Variants in RASGRF1 observed in about 807,000 individuals in gnomAD.
RASGRF1 encodes ras-specific guanine nucleotide-releasing factor 1.
A neutral mutation model predicts 138.7 loss-of-function variants in RASGRF1; 40 were observed. That is an observed-to-expected ratio of 0.29 (90% CI 0.22 to 0.38). The LOEUF (loss-of-function observed/expected upper bound fraction) is 0.38, where lower values mean the gene tolerates loss of function less well. Among genes scored for constraint, RASGRF1 ranks in the 10% least tolerant of loss-of-function variants. The pLI is 1.00. For missense variants in RASGRF1, 1,108 were observed against 1,650.4 expected (o/e 0.67, Z 5.69); for synonymous variants, 614 against 663.2 (o/e 0.93, Z 1.14).
intron 1 of RASGRF1, among the ~76,000 whole-genome samples, chr15:79,066,559 TCTC>T (rs1396940798): frequency 6.6e-6 from 1 of 152,182 alleles, no homozygotes; most frequent in African/African-American, 2.4e-5. Flanking sequence ...GCAGGAGTGT[TCTC>T]CTTCCCTACT....
intron 24 of RASGRF1, chr15:78,978,883 T>C (rs541231452): frequency 2.4e-6 from 3 of 1,225,066 alleles, no homozygotes; most frequent in East Asian, 5.7e-5. Context: ...AGGCCACCTC[T>C]GCCCTGTGCT....
In RASGRF1 at chr15:79,025,491, G is replaced by C; in HGVS notation, c.1382-17C>G. On this transcript the variant is annotated splice_polypyrimidine_tract_variant and intron_variant, in intron 9 of 26. Transcript: ENST00000558480. Reference sequence around the variant, plus strand: ...TGAGGGAACCTGTGGGTGGAGGAGAGAGACCCTGAGCCCATCTCCTGGGGT... The same window carrying C: ...TGAGGGAACCTGTGGGTGGAGGAGACAGACCCTGAGCCCATCTCCTGGGGT... 4.4e-6 allele frequency: 7 copies of C among 1,608,876 alleles called. No individual in the cohort carries two copies. The highest frequency in any genetic ancestry group is 5.9e-6 in the Non-Finnish European group (7 of 1,177,240).
At chr15:79,063,459 C>T (rs2057635829) in intron 2 of RASGRF1, among the ~76,000 whole-genome samples, 1 of 152,166 alleles carries the variant, frequency 6.6e-6, no homozygotes, top group Admixed American at 6.5e-5. Flanking sequence ...TTTAACTTGT[C>T]CATGTATCAT....
intron 26 of RASGRF1, among the ~76,000 whole-genome samples, chr15:78,963,616 T>C (rs2055588701): frequency 6.6e-6 from 1 of 152,158 alleles, no homozygotes; most frequent in Admixed American, 6.5e-5. Context: ...TTTCTTATTA[T>C]ATGTTTGGGA....
intron 1 of RASGRF1, among the ~76,000 whole-genome samples, chr15:79,072,500 C>T (rs922377016): frequency 6.6e-6 from 1 of 151,914 alleles, no homozygotes; most frequent in Non-Finnish European, 1.5e-5. Context: ...TGGTCTTGAT[C>T]TCCTGACCTC....
At chr15:79,056,179 G>A (rs559286278) in intron 3 of RASGRF1, among the ~76,000 whole-genome samples, 13 of 152,324 alleles carry the variant, frequency 8.5e-5, no homozygotes, top group African/African-American at 2.2e-4. Flanking sequence ...GCCAGGAGGC[G>A]GATAGTGCAC....
rs1348778737 is a variant in RASGRF1, at chr15:78,978,931, G to T, written c.3494+1689C>A. On this transcript the variant is annotated intron_variant, in intron 24 of 26. Coordinates refer to ENST00000558480, the MANE Select transcript of RASGRF1 (RefSeq NM_001145648.3). The stretch of plus-strand genomic sequence containing the variant: ...GGAATGTGGGAGAGACACTTACACG[G>T]GCCCACAGGCCACCTGAAAGAGGGA... 4.7e-6 allele frequency: 6 copies of T among 1,277,924 alleles called. No homozygotes were observed. In the East Asian group the frequency reaches 2.8e-4, roughly 59 times the overall value. The allele number at this position is 1,277,924 out of a possible 1,614,324, so 79.2% of individuals were successfully genotyped here.
intron 13 of RASGRF1, among the ~76,000 whole-genome samples, chr15:79,010,109 G>T: frequency 6.7e-6 from 1 of 149,866 alleles, no homozygotes; most frequent in Non-Finnish European, 1.5e-5. Flanking sequence ...CGCAATGTCG[G>T]CTCATGGCAA....
Position 79,050,832 on chromosome 15 carries a change from A to T in RASGRF1, c.532-1244T>A, listed in dbSNP as rs981788182. 1.3e-5 allele frequency among the ~76,000 whole-genome samples: 2 copies of T among 152,186 alleles called. No individual in the cohort carries two copies. Among genetic ancestry groups the T allele is most frequent in the Non-Finnish European group, 2.9e-5 (2 of 68,030 alleles). ...GAGTCCTTGTTTTGTGTCCTGTAGC[A>T]GGGTTCCCACAGCACCATGGACTTT... On this transcript the variant is annotated intron_variant, in intron 3 of 26. Transcript: ENST00000558480. This position sits in a 1 kb window ranked among gnomAD's most constrained non-coding sequence, Gnocchi z 4.1.
At chr15:78,988,839 G>GTTTTTTTTTTTTT (rs555940270) in intron 22 of RASGRF1, among the ~76,000 whole-genome samples, 4 of 127,080 alleles carry the variant, frequency 3.1e-5, no homozygotes, top group Non-Finnish European at 6.4e-5. Flanking sequence ...CTGGGAGGGA[G>GTTTTTTTTTTTTT]TTTTTTTTTT....
intron 26 of RASGRF1, among the ~76,000 whole-genome samples, chr15:78,970,621 C>CAAAAAAAAAAAAAAAAAAAAAAA (rs55689628): frequency 1.7e-4 from 10 of 57,880 alleles, no homozygotes; most frequent in Non-Finnish European, 2.4e-4. Context: ...GACTCTGTCT[C>CAAAAAAAAAAAAAAAAAAAAAAA]AAAAAAAAAA....
chr15:79,043,457 T>C (rs971981259), intron 5 of RASGRF1, among the ~76,000 whole-genome samples: 2 of 152,180 alleles, frequency 1.3e-5, no homozygotes, highest in Non-Finnish European at 2.9e-5. Context: ...GCTAAACACT[T>C]TACACCAAGT....
intron 1 of RASGRF1, among the ~76,000 whole-genome samples, chr15:79,086,943 G>C (rs567094463): frequency 6.6e-6 from 1 of 152,348 alleles, no homozygotes; most frequent in East Asian, 1.9e-4. Flanking sequence ...GCTGGGAGCA[G>C]AAGAGGTCAG....
intron 26 of RASGRF1, among the ~76,000 whole-genome samples, 192 bp downstream of exon 26, chr15:78,971,674 C>A (rs1407342573): frequency 1.3e-5 from 2 of 152,160 alleles, no homozygotes; most frequent in East Asian, 1.9e-4. Flanking sequence ...AGACAAGAGT[C>A]ACAAGATGAA....
intron 9 of RASGRF1, among the ~76,000 whole-genome samples, chr15:79,026,080 G>T (rs983109153): frequency 5.3e-5 from 8 of 152,122 alleles, no homozygotes; most frequent in Non-Finnish European, 1.5e-5. Context: ...CAGAGTAGGT[G>T]CCTGTCATGA....
intron 5 of RASGRF1, among the ~76,000 whole-genome samples, chr15:79,040,426 T>C (rs1400935453): frequency 6.6e-6 from 1 of 152,226 alleles, no homozygotes; most frequent in Non-Finnish European, 1.5e-5. Context: ...AAATTGAATC[T>C]AATCAGGGGG....
chr15:78,968,250 A>ATGTG (rs10529968), intron 26 of RASGRF1, among the ~76,000 whole-genome samples: 21,871 of 134,090 alleles, frequency 0.16, 1,793 homozygotes, highest in South Asian at 0.25. Flanking sequence ...CATGACACTG[A>ATGTG]TGTGTGTGTG....
At chr15:79,011,232 C>T (rs112306295) in intron 13 of RASGRF1, among the ~76,000 whole-genome samples, 1 of 152,104 alleles carries the variant, frequency 6.6e-6, no homozygotes, top group Non-Finnish European at 1.5e-5. Context: ...CCCTTGCCCA[C>T]CGCCAGCCCC....
intron 3 of RASGRF1, among the ~76,000 whole-genome samples, chr15:79,052,652 G>A (rs899640065): frequency 5.3e-5 from 8 of 152,176 alleles, no homozygotes; most frequent in African/African-American, 1.9e-4. Context: ...GGAGAGCCTT[G>A]GCCAGGAAGT....
Sources: gnomAD v4.1 joint callset for allele counts (sites outside exome capture counted in the v4.1 genomes callset) on GRCh38, gnomAD v4.1.1 for gene constraint, Gnocchi (gnomAD v3.1) non-coding constraint, MANE v1.5 for transcripts, NCBI Gene and HGNC (gene_info 2026-07-23, HGNC 2026-07-21) for gene names.